Variants in GALNT10 observed in about 807,000 individuals in gnomAD.
GALNT10 encodes GalNAc transferase 10.
A neutral mutation model predicts 75.0 loss-of-function variants in GALNT10; 41 were observed. That is an observed-to-expected ratio of 0.55 (90% CI 0.43 to 0.71). GALNT10 has a LOEUF of 0.71. GALNT10 is among the 30% of genes least tolerant of loss of function. The probability of loss-of-function intolerance (pLI) is 0.00; values close to 1 mark genes in which losing one functional copy is unlikely to be tolerated. For missense variants in GALNT10, 727 were observed against 818.5 expected, an observed-to-expected ratio of 0.89 and a Z score of 1.36; for synonymous variants, 302 against 313.0, an observed-to-expected ratio of 0.96 and a Z score of 0.37.
intron 1 of GALNT10, among the ~76,000 whole-genome samples, chr5:154,254,233 A>C (rs1181973772): frequency 6.6e-6 from 1 of 152,044 alleles, no homozygotes; most frequent in Middle Eastern, 3.2e-3. Context: ...TTGGTTGTAT[A>C]TGTTGTTTTA....
At chr5:154,234,777 A>T (rs1167502620) in intron 1 of GALNT10, among the ~76,000 whole-genome samples, 5 of 152,216 alleles carry the variant, frequency 3.3e-5, no homozygotes, top group Admixed American at 2.6e-4. Context: ...TCACTACATT[A>T]TTCTGACAGT....
intron 7 of GALNT10, among the ~76,000 whole-genome samples, chr5:154,391,319 A>G (rs1755892311): frequency 1.3e-5 from 2 of 152,326 alleles, no homozygotes; most frequent in Middle Eastern, 3.4e-3. Flanking sequence ...ATTTTCAGAA[A>G]TTAAGATCAA....
intron 4 of GALNT10, among the ~76,000 whole-genome samples, chr5:154,371,291 G>A (rs541969348): frequency 2.6e-5 from 4 of 152,128 alleles, no homozygotes; most frequent in South Asian, 2.1e-4. Flanking sequence ...GTATGACCCC[G>A]TCTTAACATA....
chr5:154,373,741 G>A (rs985018442), intron 4 of GALNT10, among the ~76,000 whole-genome samples: 3 of 152,164 alleles, frequency 2.0e-5, no homozygotes, highest in Non-Finnish European at 2.9e-5. Context: ...GCCCGATTTT[G>A]TGTAAATGTG....
intron 4 of GALNT10, among the ~76,000 whole-genome samples, chr5:154,363,103 T>C (rs1460261651): frequency 6.6e-6 from 1 of 152,124 alleles, no homozygotes; most frequent in Non-Finnish European, 1.5e-5. Context: ...TAGAGCTACA[T>C]GTACTGTTAT....
At chr5:154,388,833 G>A (rs1223432368) in intron 7 of GALNT10, 4 of 144,726 alleles carry the variant, frequency 2.8e-5, no homozygotes, top group Non-Finnish European at 6.0e-5. Flanking sequence ...AGGATCTCTT[G>A]AGCCTAGGAG....
chr5:154,231,164 G>A (rs542348929), intron 1 of GALNT10, among the ~76,000 whole-genome samples: 190 of 152,336 alleles, frequency 1.2e-3, no homozygotes, highest in African/African-American at 4.5e-3. Context: ...CAGTCCAAGG[G>A]AAAATGAGGA....
intron 1 of GALNT10, among the ~76,000 whole-genome samples, chr5:154,214,347 TA>T (rs1752831650): frequency 6.6e-6 from 1 of 152,318 alleles, no homozygotes; most frequent in African/African-American, 2.4e-5. Flanking sequence ...TTTCCATCTT[TA>T]ATGAATTGGC....
At chr5:154,366,607 A>G (rs528423849) in intron 4 of GALNT10, among the ~76,000 whole-genome samples, 144 of 152,166 alleles carry the variant, frequency 9.5e-4, no homozygotes, top group African/African-American at 3.4e-3. Flanking sequence ...CATAGATACC[A>G]AAAGCTCCAA....
rs1756572811 is a variant in GALNT10, at chr5:154,418,829, A to G, written c.*1857A>G. 1 of 152,262 alleles carries G rather than the reference A, an allele frequency of 6.6e-6. No homozygotes were observed. The highest frequency in any genetic ancestry group is 6.5e-5 in the Admixed American group (1 of 15,276). 9.4% of individuals were successfully genotyped at this position (152,262 alleles called of 1,614,324 possible). On this transcript the variant is annotated 3_prime_UTR_variant, in exon 12 of 12. Transcript: ENST00000297107. The stretch of plus-strand genomic sequence containing the variant: ...TGTTGATCCCAGTGTCCTTTTCCAA[A>G]TGAGTGCTGTAGCTTTAGAAGTGGC...
At chr5:154,341,796 A>G (rs917211863) in intron 4 of GALNT10, among the ~76,000 whole-genome samples, 3 of 152,204 alleles carry the variant, frequency 2.0e-5, no homozygotes, top group African/African-American at 7.2e-5. Flanking sequence ...TCTTTGTAGT[A>G]GACACAAACC....
chr5:154,198,210 C>T (rs748764303), intron 1 of GALNT10, among the ~76,000 whole-genome samples: 2 of 152,288 alleles, frequency 1.3e-5, no homozygotes, highest in African/African-American at 4.8e-5. Flanking sequence ...ATTCAAAACC[C>T]GAGGCTTGGG....
chr5:154,415,714 TA>T (rs11321246), intron 10 of GALNT10, 68 bp from the exon 11 acceptor site: 967,055 of 1,410,652 alleles, frequency 0.69, 336,388 homozygotes, highest in East Asian at 0.99. Flanking sequence ...TTCCATAATT[TA>T]AAAAAAATGG....
chr5:154,323,659 C>G (rs969968716), intron 3 of GALNT10, among the ~76,000 whole-genome samples: 1 of 152,228 alleles, frequency 6.6e-6, no homozygotes, highest in African/African-American at 2.4e-5. Flanking sequence ...TTCGAGGAAC[C>G]AAGAGGAAGC....
At chr5:154,217,286 C>T (rs1162488042) in intron 1 of GALNT10, among the ~76,000 whole-genome samples, 1 of 152,114 alleles carries the variant, frequency 6.6e-6, no homozygotes, top group East Asian at 1.9e-4. Flanking sequence ...CCTTGTTTGC[C>T]CTCTGAGAGA....
chr5:154,198,048 T>C (rs1774971969), intron 1 of GALNT10, among the ~76,000 whole-genome samples: 1 of 152,192 alleles, frequency 6.6e-6, no homozygotes, highest in African/African-American at 2.4e-5. Flanking sequence ...AGACAGCCTC[T>C]TCAGTAGCTG....
chr5:154,371,328 A>G (rs773732070), intron 4 of GALNT10, among the ~76,000 whole-genome samples: 18 of 152,118 alleles, frequency 1.2e-4, no homozygotes, highest in Non-Finnish European at 2.2e-4. Context: ...CCCTGTTTCC[A>G]AATAAAGCCA....
At chr5:154,319,881 A>G (rs1754648121) in intron 3 of GALNT10, among the ~76,000 whole-genome samples, 1 of 152,038 alleles carries the variant, frequency 6.6e-6, no homozygotes, top group South Asian at 2.1e-4. Context: ...GCGGCTTTCT[A>G]TTTTCTTCTG....
intron 1 of GALNT10, among the ~76,000 whole-genome samples, chr5:154,260,720 T>C (rs1165907095): frequency 6.6e-6 from 1 of 152,166 alleles, no homozygotes. Flanking sequence ...TTAAATTCTG[T>C]TTAACATGAA....
Sources: gnomAD v4.1 joint callset for allele counts (sites outside exome capture counted in the v4.1 genomes callset) on GRCh38, gnomAD v4.1.1 for gene constraint, MANE v1.5 for transcripts, NCBI Gene and HGNC (gene_info 2026-07-23, HGNC 2026-07-21) for gene names.